ZNF273: variants seen among roughly 807,000 people sequenced by gnomAD.
The protein encoded by ZNF273 is zinc finger protein 9.
A neutral mutation model predicts 14.9 loss-of-function variants in ZNF273; 11 were observed. That is an observed-to-expected ratio of 0.74 (90% CI 0.46 to 1.22). The LOEUF (loss-of-function observed/expected upper bound fraction) is 1.22. Among genes scored for constraint, ZNF273 ranks in the 50% most tolerant of loss-of-function variants. ZNF273 has a pLI of 0.00. For synonymous variants in ZNF273, 199 were observed against 223.9 expected (o/e 0.89, Z 0.99); for missense variants, 577 against 660.6 (o/e 0.87, Z 1.39).
At chr7:64,931,690 T>G (rs1168891378), downstream of ZNF273, among the ~76,000 whole-genome samples, 1 of 152,216 alleles carries the variant, frequency 6.6e-6, no homozygotes, top group Non-Finnish European at 1.5e-5. Flanking sequence ...GGAGGCTTCC[T>G]GAGTCATGAG....
At position 64,930,969 on chromosome 7, in the gene ZNF273, T is replaced by G. The variant is rs1794979644; in HGVS notation, c.*1931T>G. ...AAAGTATGAATAAAATACATACATT[T>G]CTGAGTCCTGAATATTTTTAAAAAT... is the stretch of plus-strand genomic sequence containing the variant. On this transcript the variant is annotated 3_prime_UTR_variant, in exon 4 of 4. Coordinates refer to ENST00000476120, the MANE Select transcript of ZNF273 (RefSeq NM_021148.3). 1 of 152,176 alleles carries G rather than the reference T, an allele frequency of 6.6e-6. No homozygotes were observed. The highest frequency in any genetic ancestry group is 6.5e-5 in the Admixed American group (1 of 15,280). 9.4% of individuals were successfully genotyped at this position (152,176 alleles called of 1,614,324 possible). A position where few individuals can be genotyped will look rare whatever the true frequency, so the allele number is the denominator to read the frequency against.
At chr7:64,882,016 C>T (rs1476607483), downstream of ZNF273, among the ~76,000 whole-genome samples, 1 of 152,158 alleles carries the variant, frequency 6.6e-6, no homozygotes, top group African/African-American at 2.4e-5. Flanking sequence ...TCCACCGTGT[C>T]CTTTCCTTTG....
chr7:64,884,602 C>T (rs1380076272), downstream of ZNF273, among the ~76,000 whole-genome samples: 1 of 152,156 alleles, frequency 6.6e-6, no homozygotes, highest in African/African-American at 2.4e-5. Flanking sequence ...CCTGGATGAA[C>T]GGAGGCAGTG....
At chr7:64,914,501 G>T (rs995264447) in intron 1 of ZNF273, among the ~76,000 whole-genome samples, 1 of 151,992 alleles carries the variant, frequency 6.6e-6, no homozygotes, top group Non-Finnish European at 1.5e-5. Context: ...AGCTATGAGG[G>T]GTTCAAAATA....
At chr7:64,884,272 T>C (rs1324753556), downstream of ZNF273, among the ~76,000 whole-genome samples, 1 of 152,124 alleles carries the variant, frequency 6.6e-6, no homozygotes, top group African/African-American at 2.4e-5. Context: ...TTTTGCACTT[T>C]ACAGGAGTCT....
chr7:64,927,977 A>G lies in ZNF273; in HGVS notation c.649A>G (p.Ile217Val), dbSNP rs1174434753. The G allele has an allele frequency of 6.2e-7, 1 of 1,613,992 alleles. No individual in the cohort carries two copies. Among genetic ancestry groups the G allele is most frequent in the Non-Finnish European group, 8.5e-7 (1 of 1,179,930 alleles). ...TAAAGAATGTGGCAAATCATGTTGC[A>G]TACTTTCACAACTAACTCAGCATAA... is the stretch of plus-strand genomic sequence containing the variant. ...KCKECGKSCC[I>V]LSQLTQHKKT... Residue 217 changes from isoleucine (I) to valine (V), a missense_variant, in exon 4 of 4, where the codon ATA (isoleucine) becomes GTA (valine). Around this residue, in one of 3 missense-constraint regions of ZNF273, gnomAD observed 411 missense variants for 440.4 expected, o/e 0.93. Transcript: ENST00000476120.
chr7:64,901,434 C>A (rs10263876), upstream of ZNF273, among the ~76,000 whole-genome samples: 62,155 of 152,100 alleles, frequency 0.41, 12,935 homozygotes, highest in South Asian at 0.45. Flanking sequence ...AGAATGAGTT[C>A]AGCCTTCTTG....
intron 3 of ZNF273, among the ~76,000 whole-genome samples, chr7:64,925,478 C>G (rs767693606): frequency 1.3e-5 from 2 of 152,032 alleles, no homozygotes; most frequent in African/African-American, 2.4e-5. Context: ...CGCTCTGTTG[C>G]CAAGGCTGGA....
the ZNF273 span, among the ~76,000 whole-genome samples, chr7:64,937,050 A>G: frequency 2.6e-5 from 4 of 152,246 alleles, no homozygotes; most frequent in Admixed American, 2.6e-4. Flanking sequence ...TTTTGGCTAT[A>G]CATTTGCTAG....
downstream of ZNF273, chr7:64,882,847 G>A (rs1380798503): frequency 3.3e-5 from 5 of 152,422 alleles, no homozygotes; most frequent in East Asian, 9.7e-4. Flanking sequence ...GTGTTCCCCG[G>A]GGCTGCCCTC....
chr7:64,888,402 G>A (rs1460743744), intron 1 of ZNF273: 1 of 985,570 alleles, frequency 1.0e-6, no homozygotes, highest in Admixed American at 6.2e-5. Flanking sequence ...GAGCTGTAAG[G>A]GAAGCAGGTG....
chr7:64,888,387 A>C (rs923364621), intron 1 of ZNF273: 21 of 985,434 alleles, frequency 2.1e-5, no homozygotes, highest in African/African-American at 5.2e-5. Flanking sequence ...AGAGGGAGAG[A>C]GAGCGAGCTG....
intron 3 of ZNF273, among the ~76,000 whole-genome samples, chr7:64,895,545 A>G (rs1298080088): frequency 6.6e-6 from 1 of 152,200 alleles, no homozygotes; most frequent in Non-Finnish European, 1.5e-5. Context: ...TGTATGTTAT[A>G]TAGTACAGCT....
At chr7:64,923,523 G>C (rs1231694484) in intron 3 of ZNF273, 2 of 366,270 alleles carry the variant, frequency 5.5e-6, no homozygotes, top group East Asian at 1.6e-4. Context: ...TGTATTTTTA[G>C]TAGAGTGAGG....
At chr7:64,888,257 G>A in intron 1 of ZNF273, 1 of 980,374 alleles carries the variant, frequency 1.0e-6, no homozygotes, top group Non-Finnish European at 1.2e-6. Flanking sequence ...GCGCTCCCTC[G>A]TCAGATGTCC....
chr7:64,928,080 A>T lies in ZNF273; in HGVS notation c.752A>T (p.Lys251Ile), dbSNP rs1440057655. 3.1e-6 allele frequency: 5 copies of T among 1,613,564 alleles called. No individual in the cohort carries two copies. Among genetic ancestry groups the T allele is most frequent in the Non-Finnish European group, 3.4e-6 (4 of 1,179,618 alleles). Residue 251 changes from lysine to isoleucine, a missense_variant, in exon 4 of 4, where the codon AAA (lysine) becomes ATA (isoleucine). By Grantham distance (102) the Lys-to-Ile change is moderately radical (BLOSUM62 -3). Around this residue, in one of 3 missense-constraint regions of ZNF273, gnomAD observed 411 missense variants for 440.4 expected, o/e 0.93. Transcript: ENST00000476120. ...TTTAACCAGTTCTCAAATCTTACTAAACATAAGATAATTCATCCTGAAGTG... is the reference window on the plus strand; with the variant it reads ...TTTAACCAGTTCTCAAATCTTACTATACATAAGATAATTCATCCTGAAGTG... ...KAFNQFSNLT[K>I]HKIIHPEVNP...
Position 64,928,780 on chromosome 7 carries a change from A to G in ZNF273, c.1452A>G (p.Lys484=). ...ATAAGAGAGTTCATACTGGAGAGAA[A>G]CCTTACAAATGCAATGAATGTGGTA... is the stretch of plus-strand genomic sequence containing the variant. ...TEHKRVHTGE[K]PYKCNECGKA... is the part of the protein sequence containing the mutation. Residue 484 remains lysine, a synonymous_variant, in exon 4 of 4, where the codon AAA becomes AAG. Coordinates refer to ENST00000476120, the MANE Select transcript of ZNF273 (RefSeq NM_021148.3). 6.2e-7 allele frequency: 1 copy of G among 1,613,528 alleles called. No homozygotes were observed. The highest frequency in any genetic ancestry group is 1.3e-5 in the African/African-American group (1 of 74,950).
chr7:64,905,087 C>A (rs1261347875), intron 1 of ZNF273, among the ~76,000 whole-genome samples: 3 of 146,010 alleles, frequency 2.1e-5, no homozygotes, highest in African/African-American at 7.6e-5. Flanking sequence ...TGTCGTGGGG[C>A]TGAGAGGCAT....
At chr7:64,907,663 T>C (rs978692516) in intron 1 of ZNF273, among the ~76,000 whole-genome samples, 20 of 149,310 alleles carry the variant, frequency 1.3e-4, no homozygotes, top group African/African-American at 3.9e-4. Flanking sequence ...AGACAATTAG[T>C]TGGTGTTAGA....
Sources: gnomAD v4.1 joint callset for allele counts (sites outside exome capture counted in the v4.1 genomes callset) on GRCh38, gnomAD v4.1.1 for gene constraint, gnomAD v4.1.1 regional missense constraint, MANE v1.5 for transcripts, NCBI Gene and HGNC (gene_info 2026-07-23, HGNC 2026-07-21) for gene names.